The following CCDC73 variants were observed in gnomAD, a reference collection of about 807,000 sequenced individuals.
CCDC73 encodes the protein coiled-coil domain-containing protein 73.
CCDC73 carries 95 observed loss-of-function variants against 116.5 expected under a neutral mutation model. The ratio of observed to expected loss-of-function variants is 0.82; its 90% CI spans 0.69 to 0.97. The LOEUF (loss-of-function observed/expected upper bound fraction) is 0.97, where lower values mean the gene tolerates loss of function less well. Ranked by LOEUF, CCDC73 falls within the 50% of genes least tolerant of loss-of-function variation. The pLI, the probability that CCDC73 is intolerant of heterozygous loss-of-function variation, is 0.00. For synonymous variants in CCDC73, 398 were observed against 401.3 expected (o/e 0.99, Z 0.10); for missense variants, 1,066 against 1,206.8 (o/e 0.88, Z 1.73).
At chr11:32,639,157 C>CG (rs1258583635) in intron 13 of CCDC73, among the ~76,000 whole-genome samples, 2 of 149,614 alleles carry the variant, frequency 1.3e-5, no homozygotes, top group Non-Finnish European at 2.9e-5. Context: ...TCCCCGACAC[C>CG]CCCCCCAAAA....
rs115901039 is a variant in CCDC73, at chr11:32,777,924, G to T, written c.-16+16689C>A. On this transcript the variant is annotated intron_variant, in intron 1 of 17. Transcript: ENST00000335185. ...ATTTATCAGAAATACACTTTAAAGT[G>T]CATTTGTTATGTGACTTGGTATGTG... is the stretch of plus-strand genomic sequence containing the variant. 7.2e-3 allele frequency among the ~76,000 whole-genome samples: 1,097 copies of T among 152,164 alleles called. 17 individuals are homozygous for T. Among genetic ancestry groups the T allele is most frequent in the African/African-American group, 0.025 (1,057 of 41,514 alleles).
intron 1 of CCDC73, among the ~76,000 whole-genome samples, chr11:32,781,565 G>A (rs187396738): frequency 3.9e-5 from 6 of 152,310 alleles, no homozygotes; most frequent in South Asian, 4.1e-4. Flanking sequence ...AAGACCCACA[G>A]ATTCCCTCTC....
At chr11:32,801,986 A>G in the CCDC73 span, among the ~76,000 whole-genome samples, 1 of 152,224 alleles carries the variant, frequency 6.6e-6, no homozygotes, top group African/African-American at 2.4e-5. Flanking sequence ...AAAACATTAC[A>G]TATTTTATTG....
chr11:32,820,586 G>C, the CCDC73 span, among the ~76,000 whole-genome samples: 1 of 152,172 alleles, frequency 6.6e-6, no homozygotes, highest in African/African-American at 2.4e-5. Flanking sequence ...TAATAGTTAA[G>C]TTCCTGAAAT....
At chr11:32,720,827 G>C (rs906785478) in intron 2 of CCDC73, among the ~76,000 whole-genome samples, 1 of 152,072 alleles carries the variant, frequency 6.6e-6, no homozygotes, top group East Asian at 1.9e-4. Flanking sequence ...ATTTGCCTGG[G>C]AAGAGGCATG....
chr11:32,799,173 C>A (rs1850751357), upstream of CCDC73, among the ~76,000 whole-genome samples: 1 of 151,186 alleles, frequency 6.6e-6, no homozygotes, highest in East Asian at 2.0e-4. Context: ...CTCACTGCAA[C>A]CTCCACCTCC....
chr11:32,817,070 C>G, the CCDC73 span, among the ~76,000 whole-genome samples: 1 of 152,212 alleles, frequency 6.6e-6, no homozygotes, highest in African/African-American at 2.4e-5. Flanking sequence ...CAGGCGTGAG[C>G]CACCACGCTC....
chr11:32,828,690 CT>C, the CCDC73 span, among the ~76,000 whole-genome samples: 11 of 152,260 alleles, frequency 7.2e-5, no homozygotes, highest in Non-Finnish European at 1.3e-4. Flanking sequence ...GCCTTCATTA[CT>C]TGATGCAGCA....
chr11:32,795,506 A>C (rs1297963878), upstream of CCDC73, among the ~76,000 whole-genome samples: 1 of 147,204 alleles, frequency 6.8e-6, no homozygotes, highest in East Asian at 1.9e-4. Context: ...TAATTTTTAA[A>C]GTGAAATAGA....
At chr11:32,705,803 G>C (rs1279756918) in intron 3 of CCDC73, among the ~76,000 whole-genome samples, 1 of 152,094 alleles carries the variant, frequency 6.6e-6, no homozygotes, top group African/African-American at 2.4e-5. Flanking sequence ...TTCCAACAGA[G>C]TTATATCAAA....
At chr11:32,812,307 GC>G in the CCDC73 span, among the ~76,000 whole-genome samples, 1 of 152,102 alleles carries the variant, frequency 6.6e-6, no homozygotes, top group Non-Finnish European at 1.5e-5. Flanking sequence ...ATCGCTTGAG[GC>G]CAGGAGTTCG....
At chr11:32,666,317 C>G (rs1364594324) in intron 9 of CCDC73, among the ~76,000 whole-genome samples, 30 of 152,204 alleles carry the variant, frequency 2.0e-4, no homozygotes, top group Admixed American at 1.9e-3. Flanking sequence ...TAGATTTGGT[C>G]TTTTCACATA....
intron 14 of CCDC73, among the ~76,000 whole-genome samples, chr11:32,625,720 G>A (rs147286536): frequency 0.1 from 15,431 of 151,926 alleles, 1,056 homozygotes; most frequent in Non-Finnish European, 0.15. Context: ...CAGAACCAAC[G>A]ACAAAAAACA....
intron 17 of CCDC73, chr11:32,604,881 CTT>C (rs1384295324): frequency 6.6e-6 from 1 of 151,998 alleles, no homozygotes; most frequent in African/African-American, 2.4e-5. Flanking sequence ...GAGACAGAGT[CTT>C]GCACTGTCGC....
At chr11:32,684,985 A>AT (rs1554964926) in intron 6 of CCDC73, among the ~76,000 whole-genome samples, 13 of 151,556 alleles carry the variant, frequency 8.6e-5, no homozygotes, top group South Asian at 4.2e-4. Flanking sequence ...TGTCAAAAAA[A>AT]ATATATATAT....
At chr11:32,627,886 G>T (rs186521524) in intron 14 of CCDC73, among the ~76,000 whole-genome samples, 1 of 151,932 alleles carries the variant, frequency 6.6e-6, no homozygotes, top group African/African-American at 2.4e-5. Flanking sequence ...CGAGTTAATG[G>T]GTGCAGCACA....
intron 14 of CCDC73, among the ~76,000 whole-genome samples, chr11:32,631,095 C>A (rs919513981): frequency 6.6e-6 from 1 of 152,168 alleles, no homozygotes; most frequent in Non-Finnish European, 1.5e-5. Context: ...CAAAACCTGA[C>A]TGAACTGAAA....
intron 2 of CCDC73, among the ~76,000 whole-genome samples, chr11:32,738,686 C>A (rs59098462): frequency 0.01 from 1,528 of 152,192 alleles, 26 homozygotes; most frequent in African/African-American, 0.034. Flanking sequence ...TTTTGCTGTG[C>A]AGAAGCTTTT....
intron 2 of CCDC73, among the ~76,000 whole-genome samples, chr11:32,752,751 G>A (rs1850297310): frequency 6.6e-6 from 1 of 151,996 alleles, no homozygotes; most frequent in South Asian, 2.1e-4. Flanking sequence ...GGAATATTTT[G>A]TAAATAAGAT....
Sources: allele counts gnomAD v4.1 joint callset (sites outside exome capture counted in the v4.1 genomes callset), GRCh38; gene constraint gnomAD v4.1.1; transcripts MANE v1.5; gene names NCBI Gene and HGNC (gene_info 2026-07-23, HGNC 2026-07-21).